Variants in CAST observed in about 807,000 individuals in gnomAD.
CAST encodes calpastatin.
Under a neutral mutation model 119.6 loss-of-function variants are expected in CAST, and 76 were observed. The ratio of observed to expected loss-of-function variants is 0.64; its 90% CI spans 0.53 to 0.77. CAST has a LOEUF of 0.77. CAST is among the 30% of genes least tolerant of loss of function. The pLI, the probability that CAST is intolerant of heterozygous loss-of-function variation, is 0.00. For synonymous variants in CAST, 319 were observed against 331.6 expected (o/e 0.96, Z 0.41); for missense variants, 953 against 946.5 (o/e 1.01, Z -0.09).
At chr5:96,045,297 G>C in the CAST span, among the ~76,000 whole-genome samples, 3 of 151,298 alleles carry the variant, frequency 2.0e-5, no homozygotes, top group Admixed American at 2.0e-4. Context: ...AGGTCGCAGT[G>C]AGCTGAGATG....
the CAST span, among the ~76,000 whole-genome samples, chr5:96,348,313 CTTTGT>C: frequency 6.6e-6 from 1 of 151,694 alleles, no homozygotes; most frequent in Non-Finnish European, 1.5e-5. Flanking sequence ...TTATTCTACT[CTTTGT>C]TTTGTTTTTA....
At chr5:96,438,484 A>G in the CAST span, among the ~76,000 whole-genome samples, 1 of 152,148 alleles carries the variant, frequency 6.6e-6, no homozygotes, top group East Asian at 1.9e-4. Flanking sequence ...GTCTCCTCCA[A>G]ACTGGGATAT....
chr5:96,385,854 G>A, the CAST span, among the ~76,000 whole-genome samples: 14 of 152,034 alleles, frequency 9.2e-5, no homozygotes, highest in South Asian at 6.2e-4. Flanking sequence ...TATTTATTCC[G>A]TGCTATAAAT....
chr5:96,606,528 G>A (rs1388232828), intron 1 of CAST, among the ~76,000 whole-genome samples: 1 of 152,172 alleles, frequency 6.6e-6, no homozygotes, highest in African/African-American at 2.4e-5. Context: ...CAGAGAGGCA[G>A]AAAAACAGGC....
the CAST span, among the ~76,000 whole-genome samples, chr5:96,397,775 G>A: frequency 2.0e-4 from 30 of 151,884 alleles, no homozygotes; most frequent in African/African-American, 6.0e-4. Context: ...AAAACTCGGC[G>A]AACTACATTT....
chr5:96,216,457 G>T, the CAST span, among the ~76,000 whole-genome samples: 1 of 152,082 alleles, frequency 6.6e-6, no homozygotes, highest in Non-Finnish European at 1.5e-5. Context: ...ATTGGTTTCA[G>T]TATGGATTCT....
the CAST span, among the ~76,000 whole-genome samples, chr5:96,252,966 T>A: frequency 6.6e-6 from 1 of 152,094 alleles, no homozygotes; most frequent in Non-Finnish European, 1.5e-5. Context: ...TAAACACATA[T>A]GGGCTATTAA....
chr5:96,137,942 T>G, the CAST span, among the ~76,000 whole-genome samples: 2 of 152,028 alleles, frequency 1.3e-5, no homozygotes, highest in Non-Finnish European at 2.9e-5. Context: ...GTGGCTTGTC[T>G]TTTCATTTTC....
At chr5:96,416,902 G>A in the CAST span, among the ~76,000 whole-genome samples, 1 of 152,208 alleles carries the variant, frequency 6.6e-6, no homozygotes, top group Admixed American at 6.5e-5. Flanking sequence ...AAATTCTGAG[G>A]ATGATAATTG....
chr5:96,097,329 CT>C, the CAST span, among the ~76,000 whole-genome samples: 646 of 137,178 alleles, frequency 4.7e-3, 1 homozygote, highest in Middle Eastern at 0.011. Context: ...AGCTCAAAGT[CT>C]TTTTTTTTTT....
chr5:96,090,001 T>G, the CAST span, among the ~76,000 whole-genome samples: 1 of 152,210 alleles, frequency 6.6e-6, no homozygotes, highest in African/African-American at 2.4e-5. Context: ...TGCAAATTAT[T>G]TGGTGGTATC....
the CAST span, among the ~76,000 whole-genome samples, chr5:95,991,652 C>A: frequency 6.6e-6 from 1 of 151,580 alleles, no homozygotes; most frequent in African/African-American, 2.4e-5. Flanking sequence ...ATTATAGGCA[C>A]GTGCCACTGC....
At chr5:96,397,500 C>T in the CAST span, 1 of 1,596,784 alleles carries the variant, frequency 6.3e-7, no homozygotes, top group Non-Finnish European at 8.6e-7. Flanking sequence ...AATGAATGTC[C>T]TAATAGCTCT....
the CAST span, among the ~76,000 whole-genome samples, chr5:95,977,287 T>C: frequency 6.6e-6 from 1 of 152,204 alleles, no homozygotes. Context: ...TTGCAGTGTC[T>C]GTGCAAAAGG....
At chr5:96,662,109 C>T (rs1474889223), upstream of CAST, 1 of 304,910 alleles carries the variant, frequency 3.3e-6, no homozygotes, top group African/African-American at 2.2e-5. Flanking sequence ...AACCTCCAAC[C>T]CCTTCTTTCT....
chr5:96,334,213 T>C, the CAST span, among the ~76,000 whole-genome samples: 2 of 152,206 alleles, frequency 1.3e-5, no homozygotes, highest in African/African-American at 4.8e-5. Flanking sequence ...CAGTCATTAT[T>C]GGAGGTTCTG....
the CAST span, among the ~76,000 whole-genome samples, chr5:96,134,260 C>G: frequency 6.6e-6 from 1 of 152,146 alleles, no homozygotes; most frequent in Non-Finnish European, 1.5e-5. Context: ...CAACTGCAGA[C>G]CCACAAGAAT....
chr5:96,183,280 C>CA, the CAST span, among the ~76,000 whole-genome samples: 1 of 151,022 alleles, frequency 6.6e-6, no homozygotes, highest in African/African-American at 2.4e-5. Flanking sequence ...TTTGATGAAG[C>CA]AAAAATTATA....
the CAST span, among the ~76,000 whole-genome samples, chr5:96,440,572 G>C: frequency 6.6e-6 from 1 of 152,082 alleles, no homozygotes; most frequent in Non-Finnish European, 1.5e-5. Flanking sequence ...CTTGTGGGTG[G>C]GGGAGGTGGG....
Sources: gnomAD v4.1 joint callset for allele counts (sites outside exome capture counted in the v4.1 genomes callset) on GRCh38, gnomAD v4.1.1 for gene constraint, MANE v1.5 for transcripts, NCBI Gene and HGNC (gene_info 2026-07-23, HGNC 2026-07-21) for gene names.